The following DDAH1 variants were observed in gnomAD, a reference collection of about 807,000 sequenced individuals.
The protein encoded by DDAH1 is N(G),N(G)-dimethylarginine dimethylaminohydrolase 1.
A neutral mutation model predicts 28.8 loss-of-function variants in DDAH1; 19 were observed. That is an observed-to-expected ratio of 0.66 (90% CI 0.46 to 0.97). The LOEUF is 0.97. Among genes scored for constraint, DDAH1 ranks in the 50% least tolerant of loss-of-function variants. The probability of loss-of-function intolerance (pLI) is 0.00; values close to 1 mark genes in which losing one functional copy is unlikely to be tolerated. For missense variants in DDAH1, 326 were observed against 375.9 expected, an observed-to-expected ratio of 0.87 and a Z score of 1.10; for synonymous variants, 153 against 154.4, an observed-to-expected ratio of 0.99 and a Z score of 0.07.
chr1:85,322,210 C>G (rs1469781867), intron 5 of DDAH1, among the ~76,000 whole-genome samples: 1 of 152,164 alleles, frequency 6.6e-6, no homozygotes, highest in African/African-American at 2.4e-5. Flanking sequence ...CAGGCATAAG[C>G]CACCACACTA....
chr1:85,426,945 AAG>A (rs1387029668), intron 1 of DDAH1, among the ~76,000 whole-genome samples: 96 of 151,736 alleles, frequency 6.3e-4, no homozygotes, highest in Middle Eastern at 3.4e-3. Context: ...AAAAAGGAAA[AAG>A]AAAAATAAAT....
intron 1 of DDAH1, among the ~76,000 whole-genome samples, chr1:85,420,542 G>A (rs1570517987): frequency 6.6e-6 from 1 of 152,106 alleles, no homozygotes; most frequent in South Asian, 2.1e-4. Context: ...CCTAGGGCAC[G>A]GACACAATGC....
chr1:85,446,549 C>G (rs1654434050), intron 1 of DDAH1, among the ~76,000 whole-genome samples: 1 of 152,162 alleles, frequency 6.6e-6, no homozygotes, highest in Non-Finnish European at 1.5e-5. Context: ...ACCTGGCCCA[C>G]TTGATCATGT....
Position 85,500,114 on chromosome 1 carries a change from T to TTTTCTTTC in DDAH1, c.-122-3841_-122-3834dup, listed in dbSNP as rs199804690. ...CCTTCCCTCCTTCCTCTTTCTTTTC[T>TTTTCTTTC]TTTCTTTCTTTCTTTCTTTCTTTCT... On this transcript the variant is annotated intron_variant, in intron 1 of 6. Transcript: ENST00000426972. Among the ~76,000 whole-genome samples, 134 of 129,888 alleles carry TTTTCTTTC rather than the reference T, an allele frequency of 1.0e-3. 1 individual carries two copies. Among genetic ancestry groups the TTTTCTTTC allele is most frequent in the Middle Eastern group, 4.2e-3 (1 of 240 alleles). The allele number at this position is 129,888 out of a possible 152,430, so 85.2% of individuals were successfully genotyped here.
At chr1:85,577,488 A>G (rs1390789026) in intron 1 of DDAH1, among the ~76,000 whole-genome samples, 2 of 152,096 alleles carry the variant, frequency 1.3e-5, no homozygotes, top group Non-Finnish European at 2.9e-5. Flanking sequence ...ACACACACAC[A>G]CACCCCTACT....
chr1:85,567,138 G>C (rs867620938), intron 1 of DDAH1, among the ~76,000 whole-genome samples: 3 of 152,178 alleles, frequency 2.0e-5, no homozygotes, highest in Non-Finnish European at 2.9e-5. Flanking sequence ...GCTTTACTCA[G>C]TCTACTGATT....
chr1:85,473,539 T>A (rs1270813222), intron 2 of DDAH1, among the ~76,000 whole-genome samples: 1 of 152,130 alleles, frequency 6.6e-6, no homozygotes, highest in Non-Finnish European at 1.5e-5. Context: ...TTCATTTCCT[T>A]GTGAAATGAA....
intron 1 of DDAH1, among the ~76,000 whole-genome samples, chr1:85,519,156 T>A (rs1316214773): frequency 2.2e-5 from 3 of 137,742 alleles, no homozygotes; most frequent in South Asian, 4.7e-4. Flanking sequence ...TGCAGTGGCA[T>A]GATCTTGGCT....
intron 5 of DDAH1, 23 bp from the exon 6 acceptor site, chr1:85,321,591 G>T: frequency 6.5e-7 from 1 of 1,537,666 alleles, no homozygotes; most frequent in Non-Finnish European, 9.0e-7. Flanking sequence ...TCAAGGAAAA[G>T]GAAGAAAAGA....
Position 85,457,696 on chromosome 1 carries a change from G to A in DDAH1, c.303+7047C>T, listed in dbSNP as rs74098840. Among the ~76,000 whole-genome samples, 750 of 152,228 alleles carry A rather than the reference G, an allele frequency of 4.9e-3. 8 individuals are homozygous for A. Among genetic ancestry groups the A allele is most frequent in the African/African-American group, 0.017 (721 of 41,528 alleles). The stretch of plus-strand genomic sequence containing the variant: ...GCAAAATAATGACGACAGAATCAAG[G>A]CAAAAGGATGAAGACGGAGTTTCGC... On this transcript the variant is annotated intron_variant, in intron 1 of 5. Transcript: ENST00000284031.
chr1:85,490,055 C>T (rs1251354567), intron 2 of DDAH1, among the ~76,000 whole-genome samples: 1 of 151,578 alleles, frequency 6.6e-6, no homozygotes, highest in Non-Finnish European at 1.5e-5. Context: ...GAGAAAGATG[C>T]AATGAAGAGA....
intron 4 of DDAH1, among the ~76,000 whole-genome samples, chr1:85,325,682 T>C (rs990154859): frequency 4.0e-5 from 6 of 151,796 alleles, no homozygotes; most frequent in African/African-American, 1.5e-4. Flanking sequence ...ATAAAATAAC[T>C]TTAAAAACAA....
At chr1:85,349,361 C>T (rs946077063) in intron 4 of DDAH1, among the ~76,000 whole-genome samples, 4 of 152,176 alleles carry the variant, frequency 2.6e-5, no homozygotes, top group Non-Finnish European at 5.9e-5. Flanking sequence ...CTCAAGGAAA[C>T]GATTGCTTCC....
intron 1 of DDAH1, among the ~76,000 whole-genome samples, chr1:85,416,590 T>C (rs1652897415): frequency 6.6e-6 from 1 of 152,244 alleles, no homozygotes; most frequent in Non-Finnish European, 1.5e-5. Flanking sequence ...CAGTTGTCTC[T>C]AGTTTCTGGA....
At chr1:85,560,179 C>T (rs111319750) in intron 1 of DDAH1, among the ~76,000 whole-genome samples, 510 of 152,100 alleles carry the variant, frequency 3.4e-3, no homozygotes, top group Non-Finnish European at 4.5e-3. Flanking sequence ...CTAAAAGAGG[C>T]AGGGGAAGGG....
In DDAH1 at chr1:85,430,118, G is replaced by A. The variant is rs1281316898; in HGVS notation, c.303+34625C>T. On this transcript the variant is annotated intron_variant, in intron 1 of 5. Coordinates refer to ENST00000284031, the MANE Select transcript of DDAH1 (RefSeq NM_012137.4). Reference sequence around the variant, plus strand: ...ACCCAGTTTCAGTTTTCTGCATATGGCTAGCCAGTTTTCCCAACGCCATTT... The same window carrying A: ...ACCCAGTTTCAGTTTTCTGCATATGACTAGCCAGTTTTCCCAACGCCATTT... 2.0e-5 allele frequency among the ~76,000 whole-genome samples: 3 copies of A among 152,126 alleles called. No individual in the cohort carries two copies. In the East Asian group the frequency reaches 5.8e-4, roughly 29 times the overall value.
chr1:85,551,281 T>C (rs1047391613), intron 1 of DDAH1, among the ~76,000 whole-genome samples: 1 of 152,236 alleles, frequency 6.6e-6, no homozygotes, highest in Non-Finnish European at 1.5e-5. Context: ...GGGCTGCTCA[T>C]GATACCTCTG....
chr1:85,553,412 C>CA (rs1186074336), intron 1 of DDAH1, among the ~76,000 whole-genome samples: 1 of 152,194 alleles, frequency 6.6e-6, no homozygotes, highest in Admixed American at 6.5e-5. Flanking sequence ...CTGAAAGAGT[C>CA]AAAATCACTG....
At chr1:85,428,534 T>G (rs1653519715) in intron 1 of DDAH1, among the ~76,000 whole-genome samples, 1 of 152,022 alleles carries the variant, frequency 6.6e-6, no homozygotes. Context: ...AGCTACAAAT[T>G]CAAGATGAGA....
Sources: allele counts gnomAD v4.1 joint callset (sites outside exome capture counted in the v4.1 genomes callset), GRCh38; gene constraint gnomAD v4.1.1; transcripts MANE v1.5; gene names NCBI Gene and HGNC (gene_info 2026-07-23, HGNC 2026-07-21).